The following LPGAT1 variants were observed in gnomAD, a reference collection of about 807,000 sequenced individuals.
The protein encoded by LPGAT1 is acyl-CoA:lysophosphatidylglycerol acyltransferase 1.
In LPGAT1, 11 loss-of-function variants were observed where a neutral mutation model predicts 47.5. That is an observed-to-expected ratio of 0.23 (90% CI 0.15 to 0.38). The LOEUF (loss-of-function observed/expected upper bound fraction) is 0.38. Ranked by LOEUF, LPGAT1 falls within the 10% of genes least tolerant of loss-of-function variation. LPGAT1 has a pLI of 1.00. For synonymous variants in LPGAT1, 138 were observed against 144.2 expected (o/e 0.96, Z 0.31); for missense variants, 293 against 439.0 (o/e 0.67, Z 2.97).
chr1:211,776,886 C>A (rs886369439), intron 6 of LPGAT1, among the ~76,000 whole-genome samples: 2 of 152,026 alleles, frequency 1.3e-5, no homozygotes, highest in Admixed American at 6.5e-5. Context: ...CTTTGGGCAC[C>A]CACTCCCCAC....
At position 211,774,222 on chromosome 1, in the gene LPGAT1, T is replaced by A. The variant is rs533074381; in HGVS notation, c.854+4696A>T. 2.4e-5 allele frequency among the ~76,000 whole-genome samples: 3 copies of A among 124,526 alleles called. No individual in the cohort carries two copies. In the Admixed American group the frequency reaches 3.2e-4, roughly 13 times the overall value. The allele number at this position is 124,526 out of a possible 152,430, so 81.7% of individuals were successfully genotyped here. A position where few individuals can be genotyped will look rare whatever the true frequency, so the allele number is the denominator to read the frequency against. Reference sequence around the variant, plus strand: ...CAATCTCGGCTCACCACAACCTCCATCTCCCAGGTTCAAGAGATTCTCCCG... The same window carrying A: ...CAATCTCGGCTCACCACAACCTCCAACTCCCAGGTTCAAGAGATTCTCCCG... On this transcript the variant is annotated intron_variant, in intron 6 of 7. Coordinates refer to ENST00000366997, the MANE Select transcript of LPGAT1 (RefSeq NM_014873.3).
intron 6 of LPGAT1, among the ~76,000 whole-genome samples, chr1:211,763,944 G>C (rs530168589): frequency 2.6e-5 from 4 of 152,282 alleles, no homozygotes; most frequent in Non-Finnish European, 5.9e-5. Context: ...GGCCAAGGCG[G>C]GTGGATCACC....
At chr1:211,815,449 C>T (rs1219901894) in intron 2 of LPGAT1, among the ~76,000 whole-genome samples, 1 of 152,130 alleles carries the variant, frequency 6.6e-6, no homozygotes, top group Non-Finnish European at 1.5e-5. Context: ...CTGCCATCAT[C>T]ACTAGACCAA....
At chr1:211,807,983 T>C (rs1272297512) in intron 2 of LPGAT1, among the ~76,000 whole-genome samples, 1 of 152,140 alleles carries the variant, frequency 6.6e-6, no homozygotes, top group Non-Finnish European at 1.5e-5. Context: ...GTAAACATTT[T>C]AATGAGGAAA....
At chr1:211,819,476 A>G (rs149565155) in intron 2 of LPGAT1, among the ~76,000 whole-genome samples, 107 of 152,320 alleles carry the variant, frequency 7.0e-4, no homozygotes, top group African/African-American at 2.5e-3. Flanking sequence ...TGGGTGACAG[A>G]ACAAGACCCT....
At chr1:211,811,683 G>A (rs1303053276) in intron 2 of LPGAT1, among the ~76,000 whole-genome samples, 1 of 152,168 alleles carries the variant, frequency 6.6e-6, no homozygotes. Context: ...CTTGAACCTG[G>A]GAGGTGGAGG....
intron 2 of LPGAT1, among the ~76,000 whole-genome samples, chr1:211,797,198 G>A (rs1454022996): frequency 6.6e-6 from 1 of 152,068 alleles, no homozygotes; most frequent in African/African-American, 2.4e-5. Flanking sequence ...AAAGGTTACA[G>A]TGAGCCAAGA....
chr1:211,789,335 T>C (rs920624491), intron 3 of LPGAT1, among the ~76,000 whole-genome samples: 1 of 152,226 alleles, frequency 6.6e-6, no homozygotes, highest in Non-Finnish European at 1.5e-5. Flanking sequence ...CTAGCTTTTA[T>C]ATTTAACCTT....
chr1:211,827,160 AAC>A (rs1660566347), intron 2 of LPGAT1, among the ~76,000 whole-genome samples: 2 of 152,370 alleles, frequency 1.3e-5, no homozygotes, highest in East Asian at 1.9e-4. Context: ...TATACATTAA[AAC>A]AGTCTATATT....
intron 6 of LPGAT1, among the ~76,000 whole-genome samples, chr1:211,753,327 T>C (rs984426815): frequency 3.9e-5 from 6 of 152,232 alleles, no homozygotes; most frequent in Non-Finnish European, 8.8e-5. Context: ...TGGTTGATAG[T>C]TTGGCTAGAT....
At chr1:211,817,153 T>G (rs1330629340) in intron 2 of LPGAT1, among the ~76,000 whole-genome samples, 1 of 152,238 alleles carries the variant, frequency 6.6e-6, no homozygotes, top group African/African-American at 2.4e-5. Flanking sequence ...TTCAAGGACC[T>G]CAATTAACTT....
intron 2 of LPGAT1, among the ~76,000 whole-genome samples, chr1:211,800,727 T>C (rs1482770898): frequency 1.3e-5 from 2 of 152,204 alleles, no homozygotes; most frequent in Non-Finnish European, 2.9e-5. Flanking sequence ...CCAATCTCCT[T>C]TGAGAAGCAC....
chr1:211,817,780 C>T (rs1660227891), intron 2 of LPGAT1, among the ~76,000 whole-genome samples: 3 of 152,042 alleles, frequency 2.0e-5, no homozygotes, highest in Admixed American at 6.6e-5. Context: ...TATTAAATGC[C>T]TCTGCTTCAT....
chr1:211,756,867 T>C (rs1276104748), intron 6 of LPGAT1, among the ~76,000 whole-genome samples: 2 of 150,712 alleles, frequency 1.3e-5, no homozygotes, highest in Non-Finnish European at 3.0e-5. Flanking sequence ...GTTTTTTTTT[T>C]TTTCTCTCTT....
chr1:211,807,759 A>C (rs546623924), intron 2 of LPGAT1, among the ~76,000 whole-genome samples: 11 of 152,330 alleles, frequency 7.2e-5, no homozygotes, highest in African/African-American at 2.2e-4. Context: ...ACAGAGATGT[A>C]TGTAAAATGC....
At chr1:211,773,997 A>G (rs151135005) in intron 6 of LPGAT1, among the ~76,000 whole-genome samples, 5 of 152,246 alleles carry the variant, frequency 3.3e-5, no homozygotes, top group African/African-American at 9.6e-5. Flanking sequence ...TTTTCTCTTA[A>G]AGTAATAAAT....
rs1656844910 is a variant in LPGAT1, at chr1:211,743,931, A to G, written c.*5968T>C. On this transcript the variant is annotated 3_prime_UTR_variant, in exon 8 of 8. Coordinates refer to ENST00000366997, the MANE Select transcript of LPGAT1 (RefSeq NM_014873.3). ...AAACAATTGTTTAAACATCAATAAA[A>G]CAATTGATGTTTTAAATGCTAACAT... 3 of 152,226 alleles carry G rather than the reference A, an allele frequency of 2.0e-5. 1 individual carries two copies. The South Asian group carries it at 6.2e-4, about 31-fold the overall frequency. The allele number at this position is 152,226 out of a possible 1,614,324, so 9.4% of individuals were successfully genotyped here. A position where few individuals can be genotyped will look rare whatever the true frequency, so the allele number is the denominator to read the frequency against.
intron 6 of LPGAT1, among the ~76,000 whole-genome samples, chr1:211,761,488 G>A (rs1657697794): frequency 6.6e-6 from 1 of 152,178 alleles, no homozygotes; most frequent in South Asian, 2.1e-4. Flanking sequence ...TTATCTTCAT[G>A]GAAGTGTGAG....
At position 211,830,063 on chromosome 1, in the gene LPGAT1, G is replaced by A. The variant is rs1660676357; in HGVS notation, c.-28+510C>T. On this transcript the variant is annotated intron_variant, in intron 1 of 7. Transcript: ENST00000366997. This position sits in a 1 kb window ranked among gnomAD's most constrained non-coding sequence, Gnocchi z 5.9. ...TTCCGACCAGAGGGCAAGGAAGCAGGGGATGATGAAAGGGGCAGAGAAGAG... is the reference window on the plus strand; with the variant it reads ...TTCCGACCAGAGGGCAAGGAAGCAGAGGATGATGAAAGGGGCAGAGAAGAG... The A allele has an allele frequency of 1.0e-6, 1 of 985,266 alleles. No homozygotes were observed. The highest frequency in any genetic ancestry group is 1.2e-6 in the Non-Finnish European group (1 of 830,254). 61.0% of individuals were successfully genotyped at this position (985,266 alleles called of 1,614,324 possible). A position where few individuals can be genotyped will look rare whatever the true frequency, so the allele number is the denominator to read the frequency against.
Sources: allele counts gnomAD v4.1 joint callset (sites outside exome capture counted in the v4.1 genomes callset), GRCh38; gene constraint gnomAD v4.1.1; non-coding constraint Gnocchi (gnomAD v3.1); transcripts MANE v1.5; gene names NCBI Gene and HGNC (gene_info 2026-07-23, HGNC 2026-07-21).